IFT80: variants seen among roughly 807,000 people sequenced by gnomAD.
The protein encoded by IFT80 is intraflagellar transport 80, also known as intraflagellar transport protein 80 homolog.
In IFT80, 79 loss-of-function variants were observed where a neutral mutation model predicts 107.9. The ratio of observed to expected loss-of-function variants is 0.73; its 90% CI spans 0.61 to 0.88. The LOEUF is 0.88. IFT80 is among the 40% of genes least tolerant of loss of function. The pLI, the probability that IFT80 is intolerant of heterozygous loss-of-function variation, is 0.00. For missense variants in IFT80, 797 were observed against 914.2 expected (o/e 0.87, Z 1.65); for synonymous variants, 299 against 300.9 (o/e 0.99, Z 0.07).
chr3:160,319,295 A>G (rs925169033), intron 9 of IFT80, among the ~76,000 whole-genome samples: 1 of 151,950 alleles, frequency 6.6e-6, no homozygotes, highest in Non-Finnish European at 1.5e-5. Flanking sequence ...TTCCTATACC[A>G]TTTTCCCATT....
At chr3:160,300,857 A>G in intron 12 of IFT80, 26 bp downstream of exon 12, 1 of 1,553,888 alleles carries the variant, frequency 6.4e-7, no homozygotes, top group Non-Finnish European at 8.8e-7. Context: ...CATATTTGAC[A>G]GGAAAAATTA....
intron 8 of IFT80, among the ~76,000 whole-genome samples, chr3:160,349,521 A>C (rs538667322): frequency 7.2e-5 from 11 of 152,130 alleles, no homozygotes; most frequent in Non-Finnish European, 1.5e-4. Flanking sequence ...CTAAATAGAA[A>C]TTTTATAAAT....
intron 9 of IFT80, among the ~76,000 whole-genome samples, chr3:160,312,660 TA>T (rs1717389191): frequency 4.6e-5 from 2 of 43,862 alleles, no homozygotes; most frequent in African/African-American, 2.2e-4. Context: ...TATAAATATA[TA>T]ATATATAATA....
intron 12 of IFT80, among the ~76,000 whole-genome samples, chr3:160,299,604 CTG>C (rs1236927440): frequency 2.0e-5 from 3 of 152,226 alleles, no homozygotes; most frequent in East Asian, 1.9e-4. Flanking sequence ...TACTGATGTG[CTG>C]TGTTTGGTCC....
chr3:160,279,252 G>T lies in IFT80; in HGVS notation c.1777C>A (p.His593Asn), dbSNP rs1714501551. 3.1e-6 allele frequency: 5 copies of T among 1,613,306 alleles called. No individual in the cohort carries two copies. In the East Asian group the frequency reaches 1.1e-4, roughly 36 times the overall value. ...ISITPYPAILHEYVSSSKWED... is the reference protein window; with the variant it reads ...ISITPYPAILNEYVSSSKWED... ...CATTTTGAACTGCTTACATATTCAT[G>T]GAGAATAGCAGGATATGGTGTTATG... The change falls in exon 16 of 20, where the codon CAT (histidine) becomes AAT (asparagine). Residue 593 changes from histidine (H) to asparagine (N), a missense_variant. His to Asn is a moderately conservative substitution (Grantham distance 68). Coordinates refer to ENST00000326448, the MANE Select transcript of IFT80 (RefSeq NM_020800.3).
At chr3:160,313,812 T>C (rs1717590516) in intron 9 of IFT80, among the ~76,000 whole-genome samples, 1 of 152,064 alleles carries the variant, frequency 6.6e-6, no homozygotes, top group Non-Finnish European at 1.5e-5. Flanking sequence ...GGTTTCACTA[T>C]GTTGGTCAGG....
chr3:160,292,235 G>C (rs927378158), intron 12 of IFT80, among the ~76,000 whole-genome samples: 6 of 152,122 alleles, frequency 3.9e-5, no homozygotes. Context: ...GCATTGATTT[G>C]GACCACCTAG....
rs141309127 is a variant in IFT80 at position 160,325,416 on chromosome 3, T to C, written c.778-5477A>G. Among the ~76,000 whole-genome samples, 314 of 152,214 alleles carry C rather than the reference T, an allele frequency of 2.1e-3. 1 individual carries two copies. Among genetic ancestry groups the C allele is most frequent in the African/African-American group, 7.3e-3 (302 of 41,548 alleles). ...TACTAAAATTAAACAGAAATATTTA[T>C]CTAAGAACTTACAGATGCATGATCC... On this transcript the variant is annotated intron_variant, in intron 8 of 19. Coordinates refer to ENST00000326448, the MANE Select transcript of IFT80 (RefSeq NM_020800.3).
intron 5 of IFT80, among the ~76,000 whole-genome samples, chr3:160,373,136 G>T (rs1435417704): frequency 6.6e-6 from 1 of 152,104 alleles, no homozygotes; most frequent in African/African-American, 2.4e-5. Context: ...TCAAATTCCT[G>T]AGCTCAAGTG....
intron 5 of IFT80, among the ~76,000 whole-genome samples, chr3:160,372,614 AG>A (rs1237241181): frequency 6.6e-6 from 1 of 152,238 alleles, no homozygotes; most frequent in Non-Finnish European, 1.5e-5. Flanking sequence ...AAAAGGTATC[AG>A]ATTACTCTGT....
intron 6 of IFT80, among the ~76,000 whole-genome samples, chr3:160,358,318 C>T (rs1045442592): frequency 3.3e-5 from 5 of 150,506 alleles, no homozygotes; most frequent in Non-Finnish European, 5.9e-5. Flanking sequence ...CAGCCCCCCT[C>T]AACCATTTTT....
intron 1 of IFT80, among the ~76,000 whole-genome samples, chr3:160,397,312 A>G (rs1284902503): frequency 6.6e-6 from 1 of 152,070 alleles, no homozygotes; most frequent in African/African-American, 2.4e-5. Flanking sequence ...TATTCTTCCT[A>G]TATTTACCAA....
intron 8 of IFT80, among the ~76,000 whole-genome samples, chr3:160,352,941 C>G (rs189889102): frequency 2.6e-5 from 4 of 152,286 alleles, no homozygotes; most frequent in African/African-American, 9.6e-5. Context: ...CATCCTGCCT[C>G]TAGTGTACCT....
intron 12 of IFT80, among the ~76,000 whole-genome samples, chr3:160,289,930 C>T (rs138982277): frequency 6.2e-4 from 95 of 152,180 alleles, no homozygotes; most frequent in African/African-American, 2.2e-3. Flanking sequence ...CCTGGTGAAG[C>T]CCTAAAGGAG....
chr3:160,335,701 T>A lies in IFT80; in HGVS notation c.778-15762A>T, dbSNP rs980422819. On this transcript the variant is annotated intron_variant, in intron 8 of 19. Transcript: ENST00000326448. ...TCACATATTATATAATTCATCCTTT[T>A]AAAATATAGAATTCAGTAGTTTTTA... Among the ~76,000 whole-genome samples the A allele has an allele frequency of 2.0e-5, 3 of 152,224 alleles. No individual in the cohort carries two copies. The East Asian group carries it at 5.8e-4, about 29-fold the overall frequency.
Position 160,286,419 on chromosome 3 carries a change from C to T in IFT80, c.1316-551G>A, listed in dbSNP as rs150515002. Among the ~76,000 whole-genome samples the T allele has an allele frequency of 4.0e-3, 613 of 152,170 alleles. 2 individuals carry two copies. Among genetic ancestry groups the T allele is most frequent in the East Asian group, 0.024 (125 of 5,170 alleles). On this transcript the variant is annotated intron_variant, in intron 12 of 19. Transcript: ENST00000326448. ...GGGGAAGTGTGGATGGTTTTTAGAA[C>T]GGGTAGTAAATGATTTCTAGGGGAA...
intron 1 of IFT80, 34 bp from the exon 2 acceptor site, chr3:160,384,680 A>G: frequency 1.3e-6 from 2 of 1,516,172 alleles, no homozygotes; most frequent in Non-Finnish European, 1.8e-6. Flanking sequence ...ATATAAAGTC[A>G]GCATTAAAAA....
intron 8 of IFT80, among the ~76,000 whole-genome samples, chr3:160,347,599 C>G (rs1456812016): frequency 6.6e-6 from 1 of 152,124 alleles, no homozygotes; most frequent in Non-Finnish European, 1.5e-5. Context: ...AATGGGTATA[C>G]CTTTAGCCAT....
intron 11 of IFT80, 66 bp downstream of exon 11, chr3:160,303,849 T>C: frequency 1.0e-6 from 1 of 985,918 alleles, no homozygotes; most frequent in Non-Finnish European, 1.6e-6. Context: ...TGGATGTTTT[T>C]ATTAAAGAGT....
Sources: gnomAD v4.1 joint callset for allele counts (sites outside exome capture counted in the v4.1 genomes callset) on GRCh38, gnomAD v4.1.1 for gene constraint, MANE v1.5 for transcripts, NCBI Gene and HGNC (gene_info 2026-07-23, HGNC 2026-07-21) for gene names.